The following SGMS2 variants were observed in gnomAD, a reference collection of about 807,000 sequenced individuals.
The protein encoded by SGMS2 is sphingomyelin synthase 2.
In SGMS2, 21 loss-of-function variants were observed where a neutral mutation model predicts 43.8. The ratio of observed to expected loss-of-function variants is 0.48; its 90% CI spans 0.34 to 0.69. The LOEUF (loss-of-function observed/expected upper bound fraction) is 0.69. SGMS2 is among the 30% of genes least tolerant of loss of function. SGMS2 has a pLI of 0.01. For synonymous variants in SGMS2, 167 were observed against 160.6 expected (o/e 1.04, Z -0.30); for missense variants, 384 against 443.2 (o/e 0.87, Z 1.20).
chr4:107,873,681 T>C (rs1172443960), intron 2 of SGMS2, among the ~76,000 whole-genome samples: 1 of 152,158 alleles, frequency 6.6e-6, no homozygotes, highest in Admixed American at 6.6e-5. Context: ...AAATTAGTTT[T>C]AATTGTGGTT....
chr4:107,838,406 C>T (rs1726314861), intron 1 of SGMS2, among the ~76,000 whole-genome samples: 1 of 151,988 alleles, frequency 6.6e-6, no homozygotes, highest in South Asian at 2.1e-4. Context: ...TTCCACTTTA[C>T]CCTGTGGGCT....
At chr4:107,838,389 C>T (rs1363158399) in intron 1 of SGMS2, among the ~76,000 whole-genome samples, 1 of 152,208 alleles carries the variant, frequency 6.6e-6, no homozygotes, top group African/African-American at 2.4e-5. Context: ...TTCCTGCTCT[C>T]TGTCTTTTCC....
intron 1 of SGMS2, among the ~76,000 whole-genome samples, chr4:107,848,545 A>G (rs945561755): frequency 4.9e-4 from 75 of 152,278 alleles, no homozygotes; most frequent in African/African-American, 1.8e-3. Context: ...GCAATGAATG[A>G]GAGTTCCTGT....
At position 107,914,453 on chromosome 4, in the gene SGMS2, A is replaced by T. The variant is rs1402077254; in HGVS notation, c.*3900A>T. The T allele has an allele frequency of 6.6e-6, 1 of 152,160 alleles. No individual in the cohort carries two copies. The highest frequency in any genetic ancestry group is 1.5e-5 in the Non-Finnish European group (1 of 67,990). The allele number at this position is 152,160 out of a possible 1,614,324, so 9.4% of individuals were successfully genotyped here. ...TGCAATGATTAATGCTGCAAAATGT[A>T]TGGTTATGTTACCGTATATTCACAA... On this transcript the variant is annotated 3_prime_UTR_variant, in exon 7 of 7. Transcript: ENST00000690982.
At chr4:107,889,343 T>A (rs894566939) in intron 2 of SGMS2, among the ~76,000 whole-genome samples, 1 of 152,214 alleles carries the variant, frequency 6.6e-6, no homozygotes, top group African/African-American at 2.4e-5. Flanking sequence ...GGGATAAGTA[T>A]GAAATTGCTT....
chr4:107,837,519 G>A (rs1726255708), intron 1 of SGMS2, among the ~76,000 whole-genome samples: 1 of 152,168 alleles, frequency 6.6e-6, no homozygotes, highest in African/African-American at 2.4e-5. Context: ...GGCAAGAGAT[G>A]GGTGTGGCGA....
Position 107,854,214 on chromosome 4 carries a change from A to G in SGMS2, c.-326-4258A>G, listed in dbSNP as rs1389818232. ...ACTGTGTAATAGCTGTGGAAATTCA[A>G]CTTTATCGTGTCTTCCATGTACAAT... is the stretch of plus-strand genomic sequence containing the variant. On this transcript the variant is annotated intron_variant, in intron 1 of 6. Coordinates refer to ENST00000690982, the MANE Select transcript of SGMS2 (RefSeq NM_001375905.1). Among the ~76,000 whole-genome samples the G allele has an allele frequency of 2.6e-5, 4 of 152,224 alleles. No individual in the cohort carries two copies. The East Asian group carries it at 7.7e-4, about 29-fold the overall frequency.
chr4:107,899,076 G>T (rs1039804525), intron 3 of SGMS2, among the ~76,000 whole-genome samples: 1 of 152,100 alleles, frequency 6.6e-6, no homozygotes, highest in Non-Finnish European at 1.5e-5. Flanking sequence ...TATACCGTGG[G>T]CTAAATGTGT....
rs73838246 is a variant in SGMS2, at chr4:107,851,123, T to C, written c.-326-7349T>C. Among the ~76,000 whole-genome samples the C allele has an allele frequency of 2.5e-3, 374 of 152,330 alleles. 3 individuals are homozygous for C. Among genetic ancestry groups the C allele is most frequent in the African/African-American group, 8.3e-3 (346 of 41,570 alleles). On this transcript the variant is annotated intron_variant, in intron 1 of 6. Coordinates refer to ENST00000690982, the MANE Select transcript of SGMS2 (RefSeq NM_001375905.1). ...CTTTGCTTTGTGAAATAGGGGTTTA[T>C]GTAAATATGCTAATATGCAACTTGC...
In SGMS2 at chr4:107,883,972, T is replaced by C. The variant is rs557156179; in HGVS notation, c.-244-11338T>C. 5.3e-5 allele frequency among the ~76,000 whole-genome samples: 8 copies of C among 152,328 alleles called. No individual in the cohort carries two copies. In the South Asian group the frequency reaches 1.4e-3, roughly 28 times the overall value. On this transcript the variant is annotated intron_variant, in intron 2 of 6. Transcript: ENST00000690982. ...GAGAGAAAAATTACATTTCAAAAAC[T>C]ATAGTACACTTGTTAGATTCTAGTC... is the stretch of plus-strand genomic sequence containing the variant.
chr4:107,893,370 T>C (rs970930881), intron 2 of SGMS2: 2 of 152,146 alleles, frequency 1.3e-5, no homozygotes, highest in Non-Finnish European at 2.9e-5. Context: ...GGATGATGAT[T>C]TGGCAAGATG....
chr4:107,871,681 C>T (rs1429431158), intron 2 of SGMS2, among the ~76,000 whole-genome samples: 2 of 152,208 alleles, frequency 1.3e-5, no homozygotes, highest in East Asian at 3.9e-4. Context: ...GTACTGGTAT[C>T]TTGAGTTTGG....
chr4:107,829,210 T>G (rs1016736282), intron 1 of SGMS2, among the ~76,000 whole-genome samples: 2 of 152,222 alleles, frequency 1.3e-5, no homozygotes, highest in Non-Finnish European at 2.9e-5. Context: ...TGGGGCTGAT[T>G]TAATGAAAGT....
In SGMS2 at chr4:107,899,606, A is replaced by T. The variant is rs1730953565; in HGVS notation, c.487A>T (p.Ile163Phe). The T allele has an allele frequency of 3.7e-6, 6 of 1,611,652 alleles. No individual in the cohort carries two copies. The highest frequency in any genetic ancestry group is 5.1e-6 in the Non-Finnish European group (6 of 1,179,084). ...SIVGRRFCFI[I>F]GTLYLYRCIT... The stretch of plus-strand genomic sequence containing the variant: ...AGTGGGACGCAGATTCTGTTTTATT[A>T]TTGGAACTTTATACCTGTATCGCTG... Residue 163 changes from isoleucine to phenylalanine, a missense_variant, in exon 4 of 7, where the codon ATT (isoleucine) becomes TTT (phenylalanine). By Grantham distance (21) the Ile-to-Phe change is conservative. Coordinates refer to ENST00000690982, the MANE Select transcript of SGMS2 (RefSeq NM_001375905.1).
chr4:107,900,354 T>C (rs1478877637), intron 4 of SGMS2, among the ~76,000 whole-genome samples: 1 of 152,126 alleles, frequency 6.6e-6, no homozygotes, highest in Non-Finnish European at 1.5e-5. Context: ...AGGGTTGGGG[T>C]GTGCAGACCA....
chr4:107,893,978 T>G (rs578218434), intron 2 of SGMS2, among the ~76,000 whole-genome samples: 4 of 152,326 alleles, frequency 2.6e-5, no homozygotes, highest in African/African-American at 9.6e-5. Flanking sequence ...TTTCACTCCT[T>G]TTAATTTGCC....
intron 1 of SGMS2, among the ~76,000 whole-genome samples, chr4:107,838,945 G>T (rs942915697): frequency 1.2e-4 from 19 of 152,080 alleles, no homozygotes; most frequent in African/African-American, 4.3e-4. Context: ...TCTTTGCCCA[G>T]AATTACATCA....
Position 107,914,460 on chromosome 4 carries a change from T to C in SGMS2, c.*3907T>C, listed in dbSNP as rs1732328214. ...ATTAATGCTGCAAAATGTATGGTTATGTTACCGTATATTCACAAAAGAAAT... is the reference window on the plus strand; with the variant it reads ...ATTAATGCTGCAAAATGTATGGTTACGTTACCGTATATTCACAAAAGAAAT... On this transcript the variant is annotated 3_prime_UTR_variant, in exon 7 of 7. Transcript: ENST00000690982. The C allele has an allele frequency of 6.6e-6, 1 of 152,184 alleles. No homozygotes were observed. Among genetic ancestry groups the C allele is most frequent in the Non-Finnish European group, 1.5e-5 (1 of 68,000 alleles). 9.4% of individuals were successfully genotyped at this position (152,184 alleles called of 1,614,324 possible).
chr4:107,859,533 TCTTTCC>T (rs1727611975), intron 2 of SGMS2, among the ~76,000 whole-genome samples: 3 of 152,230 alleles, frequency 2.0e-5, no homozygotes, highest in Non-Finnish European at 4.4e-5. Flanking sequence ...CATTTTGATA[TCTTTCC>T]CTTTGTCTGG....
Sources: allele counts gnomAD v4.1 joint callset (sites outside exome capture counted in the v4.1 genomes callset), GRCh38; gene constraint gnomAD v4.1.1; transcripts MANE v1.5; gene names NCBI Gene and HGNC (gene_info 2026-07-23, HGNC 2026-07-21).